Variants in ATP4B observed in about 807,000 individuals in gnomAD.
ATP4B encodes ATPase H+/K+ transporting subunit beta.
ATP4B carries 27 observed loss-of-function variants against 35.3 expected under a neutral mutation model. The ratio of observed to expected loss-of-function variants is 0.76; its 90% CI spans 0.56 to 1.05. The LOEUF is 1.05. Among genes scored for constraint, ATP4B ranks in the 50% least tolerant of loss-of-function variants. The pLI, the probability that ATP4B is intolerant of heterozygous loss-of-function variation, is 0.00. For missense variants in ATP4B, 375 were observed against 384.8 expected (o/e 0.97, Z 0.21); for synonymous variants, 162 against 156.0 (o/e 1.04, Z -0.29).
rs112487031 is a variant in ATP4B at position 113,650,597 on chromosome 13, G to A, written c.613-90C>T. ...CGTTTGTGTGCGTGTGTGCACACACGCGCTGTGTAGGTGCTTGCATAAACA... is the reference window on the plus strand; with the variant it reads ...CGTTTGTGTGCGTGTGTGCACACACACGCTGTGTAGGTGCTTGCATAAACA... On this transcript the variant is annotated intron_variant, in intron 5 of 6. Coordinates refer to ENST00000335288, the MANE Select transcript of ATP4B (RefSeq NM_000705.4). This position sits in a 1 kb window ranked among gnomAD's most constrained non-coding sequence, Gnocchi z 5.0. 4.8e-5 allele frequency: 46 copies of A among 968,260 alleles called. No individual in the cohort carries two copies. The African/African-American group carries it at 5.0e-4, about 11-fold the overall frequency. 60.0% of individuals were successfully genotyped at this position (968,260 alleles called of 1,614,324 possible). A position where few individuals can be genotyped will look rare whatever the true frequency, so the allele number is the denominator to read the frequency against.
intron 4 of ATP4B, 128 bp from the exon 5 acceptor site, chr13:113,651,855 C>A: frequency 8.9e-7 from 1 of 1,119,840 alleles, no homozygotes. Context: ...CTGAGAAGGG[C>A]CCTTGGTCTG....
intron 4 of ATP4B, chr13:113,652,659 A>C: frequency 3.0e-6 from 2 of 663,974 alleles, no homozygotes; most frequent in Non-Finnish European, 5.5e-6. Flanking sequence ...AGGGCCGGCT[A>C]TGTGCTGGTG....
intron 2 of ATP4B, among the ~76,000 whole-genome samples, 162 bp downstream of exon 2, chr13:113,654,652 C>T (rs1229909912): frequency 6.6e-6 from 1 of 152,218 alleles, no homozygotes; most frequent in Non-Finnish European, 1.5e-5. Flanking sequence ...GGGCTGCCCT[C>T]GGGGGCACCT....
rs1278036070 is a variant in ATP4B, at chr13:113,650,474, C to G, written c.646G>C (p.Val216Leu). The change falls in exon 6 of 7, where the codon GTC (valine) becomes CTC (leucine). Residue 216 changes from valine to leucine, a missense_variant. By Grantham distance (32) the Val-to-Leu change is conservative. Coordinates refer to ENST00000335288, the MANE Select transcript of ATP4B (RefSeq NM_000705.4). The surrounding 1 kb of genome is among the most constrained non-coding windows in gnomAD (Gnocchi z 5.0). ...QPRELGQPLQVKYYPPNGTFS... is the reference protein window; with the variant it reads ...QPRELGQPLQLKYYPPNGTFS... ...GTGCCGTTGGGAGGGTAGTACTTGA[C>G]CTGCAGCGGCTGGCCGAGCTCGCGG... The G allele has an allele frequency of 6.2e-7, 1 of 1,613,786 alleles. No homozygotes were observed. The highest frequency in any genetic ancestry group is 1.3e-5 in the African/African-American group (1 of 74,906).
In ATP4B at chr13:113,656,974, G is replaced by A. The variant is rs375942909; in HGVS notation, c.112+1059C>T. Among the ~76,000 whole-genome samples the A allele has an allele frequency of 2.1e-3, 314 of 152,200 alleles. 1 individual carries two copies. The highest frequency in any genetic ancestry group is 7.1e-3 in the African/African-American group (294 of 41,534). On this transcript the variant is annotated intron_variant, in intron 1 of 6. Transcript: ENST00000335288. ...TGGCCCAGGAGGCCCTTCTGCCCCC[G>A]GTCCCTGCCTCTCTAGGAACGGGGT... is the stretch of plus-strand genomic sequence containing the variant.
intron 2 of ATP4B, 79 bp downstream of exon 2, chr13:113,654,735 T>TC: frequency 6.6e-7 from 1 of 1,520,554 alleles, no homozygotes. Flanking sequence ...AGGGCACGGG[T>TC]CCCCCGGGCG....
chr13:113,651,046 G>A (rs1159555338), intron 5 of ATP4B, among the ~76,000 whole-genome samples: 1 of 124,362 alleles, frequency 8.0e-6, no homozygotes, highest in Non-Finnish European at 1.8e-5. Context: ...GCAAATCCCC[G>A]CGGCCCCCAC....
At chr13:113,655,005 G>T in intron 1 of ATP4B, 63 bp from the exon 2 acceptor site, 1 of 1,596,312 alleles carries the variant, frequency 6.3e-7, no homozygotes, top group Non-Finnish European at 8.5e-7. Flanking sequence ...CAATTCGGTG[G>T]CCTTGAGCGC....
At chr13:113,654,784 C>T (rs766547800) in intron 2 of ATP4B, 30 bp downstream of exon 2, 18 of 1,607,074 alleles carry the variant, frequency 1.1e-5, no homozygotes, top group East Asian at 2.2e-5. Context: ...GCCTGTCACA[C>T]GGCATGGGGG....
intron 1 of ATP4B, among the ~76,000 whole-genome samples, chr13:113,655,211 G>A (rs1172702260): frequency 2.6e-5 from 4 of 152,324 alleles, no homozygotes; most frequent in African/African-American, 7.2e-5. Context: ...GTTGCACCCA[G>A]CTGCCTTCAC....
rs2049741992 is a variant in ATP4B at position 113,654,912 on chromosome 13, TAGA to T, written c.140_142del (p.Phe47del). On this transcript the variant is annotated inframe_deletion, in exon 2 of 7. Coordinates refer to ENST00000335288, the MANE Select transcript of ATP4B (RefSeq NM_000705.4). ...GGCGAAGAGCCCAGTCATCACCACG[TAGA>T]AGGCCACGTAGTACAGGCTGATCCA... 1.2e-6 allele frequency: 2 copies of T among 1,614,142 alleles called. No individual in the cohort carries two copies. The highest frequency in any genetic ancestry group is 1.7e-6 in the Non-Finnish European group (2 of 1,180,002).
Position 113,650,788 on chromosome 13 carries a change from G to A in ATP4B, c.613-281C>T, listed in dbSNP as rs774262014. ...ACGCAGGTGGGTGAAGCTGGGAGGC[G>A]GCTTGCTTGTCTGTACTCGAGGGTA... On this transcript the variant is annotated intron_variant, in intron 5 of 6. Transcript: ENST00000335288. This position sits in a 1 kb window ranked among gnomAD's most constrained non-coding sequence, Gnocchi z 5.0. Among the ~76,000 whole-genome samples, 1 of 152,260 alleles carries A rather than the reference G, an allele frequency of 6.6e-6. No homozygotes were observed. The highest frequency in any genetic ancestry group is 1.5e-5 in the Non-Finnish European group (1 of 68,016).
chr13:113,649,507 G>T lies in ATP4B; in HGVS notation c.743C>A (p.Ala248Glu). The change falls in exon 7 of 7, where the codon GCG becomes GAG. Residue 248 changes from alanine (A) to glutamate (E), a missense_variant. Physicochemically the swap from Ala to Glu is moderately radical, Grantham distance 107 (BLOSUM62 -1). Transcript: ENST00000335288. The surrounding 1 kb of genome is among the most constrained non-coding windows in gnomAD (Gnocchi z 4.7). ...GTTCCTGGGGATGTTGAGGAGCTTC[G>T]CTGCCACCAGGGGGTTGCTGTAGTG... ...QPHYSNPLVAAKLLNIPRNAE... is the reference protein window; with the variant it reads ...QPHYSNPLVAEKLLNIPRNAE... The T allele has an allele frequency of 6.5e-7, 1 of 1,542,914 alleles. No individual in the cohort carries two copies. The highest frequency in any genetic ancestry group is 1.2e-5 in the South Asian group (1 of 83,586).
intron 1 of ATP4B, among the ~76,000 whole-genome samples, chr13:113,657,718 A>G (rs1054646120): frequency 6.6e-6 from 1 of 152,244 alleles, no homozygotes; most frequent in Non-Finnish European, 1.5e-5. Flanking sequence ...TTTCAAAATG[A>G]TTCACTTTAG....
At chr13:113,653,272 A>C (rs551072875) in intron 3 of ATP4B, 49 bp downstream of exon 3, 1 of 1,567,896 alleles carries the variant, frequency 6.4e-7, no homozygotes, top group East Asian at 2.2e-5. Context: ...GCCGCTTCAC[A>C]CCTCACCCAC....
chr13:113,649,319 G>A lies in ATP4B; in HGVS notation c.*55C>T. On this transcript the variant is annotated 3_prime_UTR_variant, in exon 7 of 7. Transcript: ENST00000335288. This position sits in a 1 kb window ranked among gnomAD's most constrained non-coding sequence, Gnocchi z 4.7. ...TGACGGGCAAGGTAAGCCCAACCAG[G>A]AGGGTGTCCTTGAGCGACCCCGCAG... The A allele has an allele frequency of 6.5e-7, 1 of 1,544,944 alleles. No individual in the cohort carries two copies. Among genetic ancestry groups the A allele is most frequent in the South Asian group, 1.2e-5 (1 of 83,268 alleles).
At chr13:113,653,968 G>A (rs921219930) in intron 2 of ATP4B, among the ~76,000 whole-genome samples, 1 of 152,232 alleles carries the variant, frequency 6.6e-6, no homozygotes, top group African/African-American at 2.4e-5. Context: ...GCAGAAACGT[G>A]TGTTTACTGC....
At position 113,654,804 on chromosome 13, in the gene ATP4B, G is replaced by C. The variant is rs113425060; in HGVS notation, c.241+10C>G. ...TCACACGGCATGGGGGCAACATCCC[G>C]GGCGCTTACCTGGTGACCGTAGCTG... is the stretch of plus-strand genomic sequence containing the variant. On this transcript the variant is annotated intron_variant, in intron 2 of 6. Transcript: ENST00000335288. The C allele has an allele frequency of 6.2e-7, 1 of 1,612,674 alleles. No homozygotes were observed. Among genetic ancestry groups the C allele is most frequent in the East Asian group, 2.2e-5 (1 of 44,834 alleles).
intron 1 of ATP4B, among the ~76,000 whole-genome samples, chr13:113,657,633 C>T (rs1209526126): frequency 2.6e-5 from 4 of 152,262 alleles, no homozygotes; most frequent in East Asian, 1.9e-4. Flanking sequence ...AGCCGCGTCT[C>T]GGCAGAGCCC....
Sources: gnomAD v4.1 joint callset for allele counts (sites outside exome capture counted in the v4.1 genomes callset) on GRCh38, gnomAD v4.1.1 for gene constraint, Gnocchi (gnomAD v3.1) non-coding constraint, MANE v1.5 for transcripts, NCBI Gene and HGNC (gene_info 2026-07-23, HGNC 2026-07-21) for gene names.